CDK8: variants seen among roughly 807,000 people sequenced by gnomAD.
CDK8 encodes the protein cyclin-dependent kinase 8.
CDK8 carries 29 observed loss-of-function variants against 71.5 expected under a neutral mutation model. That is an observed-to-expected ratio of 0.41 (90% CI 0.30 to 0.55). The LOEUF (loss-of-function observed/expected upper bound fraction) is 0.55. Among genes scored for constraint, CDK8 ranks in the 20% least tolerant of loss-of-function variants. The pLI is 0.37. For missense variants in CDK8, 288 were observed against 572.6 expected, an observed-to-expected ratio of 0.50 and a Z score of 5.07; for synonymous variants, 161 against 192.1, an observed-to-expected ratio of 0.84 and a Z score of 1.34.
chr13:26,286,265 C>G (rs549652551), intron 1 of CDK8, among the ~76,000 whole-genome samples: 1 of 152,292 alleles, frequency 6.6e-6, no homozygotes, highest in African/African-American at 2.4e-5. Context: ...AAGCTATATA[C>G]TACAAGGCTA....
chr13:26,350,643 G>C (rs1021384180), intron 3 of CDK8, among the ~76,000 whole-genome samples: 1 of 152,102 alleles, frequency 6.6e-6, no homozygotes, highest in Non-Finnish European at 1.5e-5. Context: ...TGTTGGCCAG[G>C]CTGGTCTCTT....
rs183425754 is a variant in CDK8, at chr13:26,327,008, G to T, written c.129-10559G>T. Among the ~76,000 whole-genome samples, 57 of 152,264 alleles carry T rather than the reference G, an allele frequency of 3.7e-4. 1 individual carries two copies. In the South Asian group the frequency reaches 0.011, roughly 30 times the overall value. On this transcript the variant is annotated intron_variant, in intron 1 of 12. Coordinates refer to ENST00000381527, the MANE Select transcript of CDK8 (RefSeq NM_001260.3). Reference sequence around the variant, plus strand: ...ATAGTGAGGAATCTGACAAATCTACGTGGCCCTTTAGTTTCTATCATCAAG... The same window carrying T: ...ATAGTGAGGAATCTGACAAATCTACTTGGCCCTTTAGTTTCTATCATCAAG...
intron 1 of CDK8, among the ~76,000 whole-genome samples, chr13:26,296,017 C>T (rs181499236): frequency 5.9e-4 from 90 of 152,112 alleles, no homozygotes; most frequent in African/African-American, 2.0e-3. Context: ...GCACCACAGA[C>T]GGATACTAAA....
intron 4 of CDK8, among the ~76,000 whole-genome samples, chr13:26,376,600 A>G (rs1468762421): frequency 2.0e-5 from 3 of 152,204 alleles, no homozygotes; most frequent in Non-Finnish European, 4.4e-5. Context: ...TCCATGTTGC[A>G]TTTTTAAGGA....
chr13:26,258,556 T>C (rs1871630024), intron 1 of CDK8, among the ~76,000 whole-genome samples: 1 of 151,982 alleles, frequency 6.6e-6, no homozygotes, highest in Non-Finnish European at 1.5e-5. Context: ...GCACTTCATC[T>C]AGTGGAAAGA....
chr13:26,285,100 G>A (rs1375257159), intron 1 of CDK8, among the ~76,000 whole-genome samples: 4 of 152,134 alleles, frequency 2.6e-5, no homozygotes, highest in Admixed American at 6.5e-5. Flanking sequence ...TTAGCCGGGC[G>A]TGGTGGCACA....
intron 1 of CDK8, among the ~76,000 whole-genome samples, chr13:26,259,628 A>G (rs968988416): frequency 1.8e-4 from 28 of 152,182 alleles, no homozygotes; most frequent in African/African-American, 6.8e-4. Context: ...CTTAGATATC[A>G]GTGCATTCAG....
rs1478357748 is a variant in CDK8 at position 26,396,494 on chromosome 13, T to C, written c.860+140T>C. On this transcript the variant is annotated intron_variant, in intron 8 of 12. Coordinates refer to ENST00000381527, the MANE Select transcript of CDK8 (RefSeq NM_001260.3). ...TTTTACTTATTTACTCTAATAAATA[T>C]TTTTCATGATGACAGTCTTTATTTC... 4 of 360,808 alleles carry C rather than the reference T, an allele frequency of 1.1e-5. No individual in the cohort carries two copies. The Admixed American group carries it at 1.9e-4, about 17-fold the overall frequency. The allele number at this position is 360,808 out of a possible 1,614,324, so 22.4% of individuals were successfully genotyped here. A position where few individuals can be genotyped will look rare whatever the true frequency, so the allele number is the denominator to read the frequency against.
chr13:26,313,653 G>T (rs1874386898), intron 1 of CDK8, among the ~76,000 whole-genome samples: 1 of 152,150 alleles, frequency 6.6e-6, no homozygotes, highest in Admixed American at 6.6e-5. Flanking sequence ...CAAAGTGTAT[G>T]TTAATAGTAT....
intron 1 of CDK8, among the ~76,000 whole-genome samples, chr13:26,290,818 C>CA (rs796801354): frequency 6.0e-4 from 90 of 150,950 alleles, no homozygotes; most frequent in African/African-American, 2.1e-3. Context: ...AACAAACAAA[C>CA]AAAAAAACAA....
At chr13:26,287,108 G>T (rs1239123433) in intron 1 of CDK8, among the ~76,000 whole-genome samples, 2 of 152,078 alleles carry the variant, frequency 1.3e-5, no homozygotes, top group Non-Finnish European at 2.9e-5. Flanking sequence ...AACTAAAATA[G>T]AACTACCATT....
At chr13:26,375,254 T>A (rs2138034748) in intron 4 of CDK8, among the ~76,000 whole-genome samples, 1 of 152,368 alleles carries the variant, frequency 6.6e-6, no homozygotes, top group Middle Eastern at 3.4e-3. Flanking sequence ...ATTGTGCTTT[T>A]CTTCATTTTA....
At chr13:26,355,539 A>G (rs539031087) in intron 4 of CDK8, among the ~76,000 whole-genome samples, 144 of 152,192 alleles carry the variant, frequency 9.5e-4, no homozygotes, top group Non-Finnish European at 1.5e-3. Flanking sequence ...ACTTGAACGC[A>G]GGAAGCTGAG....
intron 4 of CDK8, among the ~76,000 whole-genome samples, chr13:26,363,706 T>C (rs1251932882): frequency 6.6e-6 from 1 of 152,140 alleles, no homozygotes; most frequent in Non-Finnish European, 1.5e-5. Context: ...ATAGTGTTGC[T>C]GTCCTGCAGT....
At chr13:26,396,026 G>A (rs1875975614) in intron 7 of CDK8, among the ~76,000 whole-genome samples, 1 of 152,092 alleles carries the variant, frequency 6.6e-6, no homozygotes, top group Non-Finnish European at 1.5e-5. Context: ...GACAGAAATT[G>A]AGGCAGCTTA....
intron 1 of CDK8, among the ~76,000 whole-genome samples, chr13:26,299,768 A>T (rs541558929): frequency 8.7e-4 from 133 of 152,160 alleles, no homozygotes; most frequent in Non-Finnish European, 1.6e-3. Flanking sequence ...AGTTTCTGGT[A>T]AGTCTATTTA....
intron 9 of CDK8, 107 bp downstream of exon 9, chr13:26,397,332 A>G (rs777601485): frequency 4.5e-6 from 3 of 662,340 alleles, no homozygotes; most frequent in Non-Finnish European, 8.0e-6. Context: ...TAGCACTCAG[A>G]GTGCTTTCAT....
At chr13:26,306,416 G>C (rs1301630092) in intron 1 of CDK8, among the ~76,000 whole-genome samples, 1 of 152,054 alleles carries the variant, frequency 6.6e-6, no homozygotes, top group Admixed American at 6.6e-5. Flanking sequence ...GTAGCATATA[G>C]ATTAATTTTA....
At chr13:26,274,188 CTA>C (rs1872465722) in intron 1 of CDK8, among the ~76,000 whole-genome samples, 1 of 151,802 alleles carries the variant, frequency 6.6e-6, no homozygotes, top group Admixed American at 6.6e-5. Flanking sequence ...AGATTTTCTC[CTA>C]GAAGGTTTGA....
Sources: allele counts gnomAD v4.1 joint callset (sites outside exome capture counted in the v4.1 genomes callset), GRCh38; gene constraint gnomAD v4.1.1; transcripts MANE v1.5; gene names NCBI Gene and HGNC (gene_info 2026-07-23, HGNC 2026-07-21).